HTR7: variants seen among roughly 807,000 people sequenced by gnomAD.
HTR7 encodes 5-HT-7.
HTR7 carries 16 observed loss-of-function variants against 34.0 expected under a neutral mutation model. The observed-to-expected ratio is 0.47, with a 90% CI of 0.32 to 0.71. The LOEUF is 0.71. Ranked by LOEUF, HTR7 falls within the 30% of genes least tolerant of loss-of-function variation. The pLI is 0.04. For synonymous variants in HTR7, 265 were observed against 260.2 expected, an observed-to-expected ratio of 1.02 and a Z score of -0.18; for missense variants, 504 against 625.5, an observed-to-expected ratio of 0.81 and a Z score of 2.07.
intron 1 of HTR7, among the ~76,000 whole-genome samples, chr10:90,760,753 C>T (rs751764392): frequency 2.2e-4 from 33 of 152,036 alleles, no homozygotes; most frequent in Admixed American, 2.0e-4. Context: ...TGGTGGTGGG[C>T]ATCTGTAATC....
intron 1 of HTR7, among the ~76,000 whole-genome samples, chr10:90,818,615 C>G (rs1380138541): frequency 1.3e-5 from 2 of 152,126 alleles, no homozygotes; most frequent in Non-Finnish European, 2.9e-5. Context: ...GCCTCACACT[C>G]TCTTATTCTT....
chr10:90,827,656 A>G (rs1262936215), intron 1 of HTR7, among the ~76,000 whole-genome samples: 2 of 152,260 alleles, frequency 1.3e-5, no homozygotes, highest in Non-Finnish European at 2.9e-5. Context: ...ATAATGATAA[A>G]AGGGTCAATT....
intron 1 of HTR7, among the ~76,000 whole-genome samples, chr10:90,782,373 G>A (rs1240268282): frequency 4.6e-5 from 7 of 152,130 alleles, no homozygotes; most frequent in African/African-American, 1.4e-4. Flanking sequence ...ATTATAATAA[G>A]TTTAAGTAAA....
chr10:90,779,135 C>T (rs1253682872), intron 1 of HTR7, among the ~76,000 whole-genome samples: 1 of 152,158 alleles, frequency 6.6e-6, no homozygotes, highest in Non-Finnish European at 1.5e-5. Flanking sequence ...GTGTTGTTTC[C>T]TTGCACAGCC....
chr10:90,796,446 AGCAC>A (rs796659181), intron 1 of HTR7, among the ~76,000 whole-genome samples: 14 of 152,348 alleles, frequency 9.2e-5, no homozygotes, highest in African/African-American at 3.4e-4. Flanking sequence ...ATTCTGAAAC[AGCAC>A]TTACAAAACA....
Position 90,857,732 on chromosome 10 carries a change from G to C in HTR7, c.-61C>G, listed in dbSNP as rs1157186063. On this transcript the variant is annotated 5_prime_UTR_variant, in exon 1 of 4. Transcript: ENST00000336152. The surrounding 1 kb of genome is among the most constrained non-coding windows in gnomAD (Gnocchi z 6.5). Reference sequence around the variant, plus strand: ...CCCCGGCCACGCGCCTCCGGCTGCCGGCCCCGGGGCTTCACCTCACCGGTT... The same window carrying C: ...CCCCGGCCACGCGCCTCCGGCTGCCCGCCCCGGGGCTTCACCTCACCGGTT... The C allele has an allele frequency of 2.1e-6, 3 of 1,396,290 alleles. No homozygotes were observed. Among genetic ancestry groups the C allele is most frequent in the Non-Finnish European group, 1.8e-6 (2 of 1,083,200 alleles). 86.5% of individuals were successfully genotyped at this position (1,396,290 alleles called of 1,614,324 possible). A position where few individuals can be genotyped will look rare whatever the true frequency, so the allele number is the denominator to read the frequency against.
At chr10:90,825,267 G>C (rs1040912898) in intron 1 of HTR7, among the ~76,000 whole-genome samples, 1 of 152,286 alleles carries the variant, frequency 6.6e-6, no homozygotes, top group East Asian at 1.9e-4. Context: ...CTATGAGTCT[G>C]CAGGCTTATA....
intron 1 of HTR7, among the ~76,000 whole-genome samples, chr10:90,810,349 G>A (rs182311064): frequency 2.0e-5 from 3 of 151,882 alleles, no homozygotes; most frequent in African/African-American, 7.2e-5. Context: ...CCTTCTTGGT[G>A]ACCGATCATG....
chr10:90,806,521 C>T (rs923096658), intron 1 of HTR7, among the ~76,000 whole-genome samples: 4 of 152,032 alleles, frequency 2.6e-5, no homozygotes, highest in African/African-American at 7.3e-5. Flanking sequence ...ATGGCGTGAA[C>T]CCGGGAGGCG....
chr10:90,774,322 T>G (rs1845169730), intron 1 of HTR7, among the ~76,000 whole-genome samples: 1 of 152,250 alleles, frequency 6.6e-6, no homozygotes, highest in South Asian at 2.1e-4. Flanking sequence ...TCAAGTTTTA[T>G]ATAAATATAT....
chr10:90,809,765 TC>T (rs1048762938), intron 1 of HTR7, among the ~76,000 whole-genome samples: 6 of 152,166 alleles, frequency 3.9e-5, no homozygotes, highest in Admixed American at 3.9e-4. Context: ...CTAAGTCACG[TC>T]CCATCTGTGC....
intron 1 of HTR7, among the ~76,000 whole-genome samples, chr10:90,802,250 G>T (rs548194679): frequency 9.9e-4 from 151 of 152,256 alleles, no homozygotes; most frequent in African/African-American, 3.5e-3. Flanking sequence ...TCAGGGTCAG[G>T]CCAGCCAGCC....
At chr10:90,793,752 A>G (rs1267410747) in intron 1 of HTR7, among the ~76,000 whole-genome samples, 1 of 152,168 alleles carries the variant, frequency 6.6e-6, no homozygotes, top group East Asian at 1.9e-4. Context: ...AGCCAGTCTG[A>G]GTCCCCAAAC....
At position 90,743,651 on chromosome 10, in the gene HTR7, C is replaced by G. The variant is rs138700544; in HGVS notation, c.1335G>C (p.Lys445Asn). ...GCACCCACACAGATACCGGTGGCCT[C>G]TTTTCTGGTCTCAACAGCACCCTCC... The part of the protein sequence containing the change: ...CTRRVLLRPE[K>N]RPPVSVWVLQ... The change falls in exon 3 of 4, where the codon AAG (lysine) becomes AAC (asparagine). Residue 445 changes from lysine (K) to asparagine (N), a missense_variant. Transcript: ENST00000336152. 1.8e-4 allele frequency: 296 copies of G among 1,613,998 alleles called. No homozygotes were observed. The East Asian group carries it at 5.1e-3, about 28-fold the overall frequency.
intron 1 of HTR7, among the ~76,000 whole-genome samples, chr10:90,806,543 G>A (rs1169248305): frequency 1.3e-5 from 2 of 152,008 alleles, no homozygotes; most frequent in African/African-American, 4.8e-5. Flanking sequence ...AGCTTGTAGT[G>A]AGCCGAGATC....
At chr10:90,839,376 C>T (rs1238981796) in intron 1 of HTR7, among the ~76,000 whole-genome samples, 1 of 152,128 alleles carries the variant, frequency 6.6e-6, no homozygotes, top group African/African-American at 2.4e-5. Context: ...CCTTTTAAGT[C>T]TCCCCATGTT....
At chr10:90,752,080 A>C (rs1278510410) in intron 1 of HTR7, among the ~76,000 whole-genome samples, 1 of 152,182 alleles carries the variant, frequency 6.6e-6, no homozygotes, top group Non-Finnish European at 1.5e-5. Flanking sequence ...TACATTAGGC[A>C]CCATTCTCTA....
chr10:90,819,405 C>T (rs1401039866), intron 1 of HTR7, among the ~76,000 whole-genome samples: 3 of 152,182 alleles, frequency 2.0e-5, no homozygotes, highest in Non-Finnish European at 2.9e-5. Context: ...TCCCTTATCA[C>T]TAAGCTGCCT....
intron 1 of HTR7, among the ~76,000 whole-genome samples, chr10:90,764,929 T>C (rs1417920620): frequency 2.0e-5 from 3 of 152,158 alleles, no homozygotes; most frequent in Non-Finnish European, 2.9e-5. Context: ...CTTTTGCTAG[T>C]ATTAATATTA....
Sources: gnomAD v4.1 joint callset for allele counts (sites outside exome capture counted in the v4.1 genomes callset) on GRCh38, gnomAD v4.1.1 for gene constraint, Gnocchi (gnomAD v3.1) non-coding constraint, MANE v1.5 for transcripts, NCBI Gene and HGNC (gene_info 2026-07-23, HGNC 2026-07-21) for gene names.